PRKCB: variants seen among roughly 807,000 people sequenced by gnomAD.
The protein encoded by PRKCB is protein kinase C beta, also known as protein kinase C beta type.
Under a neutral mutation model 81.5 loss-of-function variants are expected in PRKCB, and 13 were observed. The observed-to-expected ratio is 0.16, with a 90% CI of 0.10 to 0.25. The LOEUF is 0.25. Ranked by LOEUF, PRKCB falls within the 10% of genes least tolerant of loss-of-function variation. PRKCB has a pLI of 1.00. For synonymous variants in PRKCB, 335 were observed against 321.4 expected (o/e 1.04, Z -0.45); for missense variants, 509 against 875.7 (o/e 0.58, Z 5.29).
chr16:23,848,305 T>A (rs964544304), intron 2 of PRKCB, among the ~76,000 whole-genome samples: 15 of 152,276 alleles, frequency 9.9e-5, no homozygotes, highest in African/African-American at 3.4e-4. Flanking sequence ...ATACTTGCCA[T>A]GACTCAAATC....
At chr16:23,837,246 A>G in intron 1 of PRKCB, 129 bp from the exon 2 acceptor site, 1 of 1,161,446 alleles carries the variant, frequency 8.6e-7, no homozygotes. Context: ...ACTCTTGGGC[A>G]CCCGCCTGTG....
intron 5 of PRKCB, among the ~76,000 whole-genome samples, chr16:24,069,112 G>A (rs1306387766): frequency 6.6e-6 from 1 of 152,100 alleles, no homozygotes; most frequent in African/African-American, 2.4e-5. Context: ...TAACTTTCAG[G>A]TCACAAAGCT....
At chr16:23,850,101 G>A (rs1279682360) in intron 2 of PRKCB, among the ~76,000 whole-genome samples, 3 of 151,938 alleles carry the variant, frequency 2.0e-5, no homozygotes, top group Non-Finnish European at 2.9e-5. Context: ...ATTTTACTTA[G>A]CATAATGTCC....
intron 2 of PRKCB, among the ~76,000 whole-genome samples, chr16:23,911,358 G>C (rs1963650769): frequency 6.6e-6 from 1 of 151,564 alleles, no homozygotes; most frequent in Non-Finnish European, 1.5e-5. Context: ...CAACTCCTGA[G>C]CTCAAGTGAT....
At chr16:23,891,002 C>CGT (rs10551727) in intron 2 of PRKCB, among the ~76,000 whole-genome samples, 34,492 of 147,610 alleles carry the variant, frequency 0.23, 4,315 homozygotes, top group South Asian at 0.43. Flanking sequence ...ATATATAATG[C>CGT]GTGTGTGTGT....
At chr16:24,113,141 CTCTT>C (rs932156698) in intron 8 of PRKCB, 72 bp downstream of exon 8, 20 of 1,026,380 alleles carry the variant, frequency 1.9e-5, no homozygotes, top group African/African-American at 4.9e-5. Flanking sequence ...CTGCTCCCTC[CTCTT>C]TCTTTCTCTT....
intron 6 of PRKCB, among the ~76,000 whole-genome samples, chr16:24,093,192 G>C (rs781505280): frequency 6.6e-6 from 1 of 152,194 alleles, no homozygotes; most frequent in Non-Finnish European, 1.5e-5. Flanking sequence ...TGTGGTGTGG[G>C]GGAGTGGGTA....
chr16:24,094,801 A>G (rs867128362), intron 7 of PRKCB, among the ~76,000 whole-genome samples: 3 of 128,694 alleles, frequency 2.3e-5, no homozygotes, highest in South Asian at 2.6e-4. Flanking sequence ...GGAATGAAGG[A>G]AGGGAGGGAG....
intron 2 of PRKCB, among the ~76,000 whole-genome samples, chr16:23,874,461 T>G (rs2141101843): frequency 6.6e-6 from 1 of 152,258 alleles, no homozygotes; most frequent in South Asian, 2.1e-4. Context: ...TGCCTGTAAA[T>G]GAAACCTTAA....
chr16:24,175,682 C>T (rs1037845519), intron 12 of PRKCB, among the ~76,000 whole-genome samples: 1 of 151,586 alleles, frequency 6.6e-6, no homozygotes, highest in Admixed American at 6.6e-5. Flanking sequence ...GATTAAAAGG[C>T]ATGAGGGGGC....
chr16:23,985,431 G>A (rs557070712), intron 2 of PRKCB, among the ~76,000 whole-genome samples: 1 of 152,008 alleles, frequency 6.6e-6, no homozygotes, highest in African/African-American at 2.4e-5. Flanking sequence ...TGACCAGTTG[G>A]GAAACAAAAT....
chr16:24,109,007 C>T (rs56250174), intron 7 of PRKCB, among the ~76,000 whole-genome samples: 3,197 of 103,884 alleles, frequency 0.031, 17 homozygotes, highest in African/African-American at 0.13. Context: ...CCCTCCCGGA[C>T]GGGGCGGCTG....
At chr16:24,214,428 G>A (rs773233218) in intron 16 of PRKCB, among the ~76,000 whole-genome samples, 4 of 152,110 alleles carry the variant, frequency 2.6e-5, no homozygotes, top group Non-Finnish European at 5.9e-5. Flanking sequence ...AGCAGCTCAT[G>A]AGCTACAAAA....
At chr16:24,153,273 C>A (rs1302978023) in intron 9 of PRKCB, among the ~76,000 whole-genome samples, 7 of 152,158 alleles carry the variant, frequency 4.6e-5, no homozygotes, top group Admixed American at 4.6e-4. Context: ...CTGATTGGTT[C>A]CCTTACCCTC....
chr16:24,023,212 C>A (rs947041488), intron 3 of PRKCB, among the ~76,000 whole-genome samples: 4 of 152,186 alleles, frequency 2.6e-5, no homozygotes, highest in African/African-American at 9.7e-5. Flanking sequence ...CTGCTCCCAG[C>A]CAGGAAGCTG....
At chr16:24,206,370 T>G (rs548430024) in intron 16 of PRKCB, among the ~76,000 whole-genome samples, 13 of 152,328 alleles carry the variant, frequency 8.5e-5, no homozygotes, top group Non-Finnish European at 1.5e-5. Flanking sequence ...TCTTTTTGCC[T>G]AGGCTATGTA....
intron 8 of PRKCB, among the ~76,000 whole-genome samples, chr16:24,121,506 T>C (rs1567382192): frequency 6.6e-6 from 1 of 152,132 alleles, no homozygotes; most frequent in Non-Finnish European, 1.5e-5. Flanking sequence ...GCCTCCCAAG[T>C]AGCTGGGACT....
In PRKCB at chr16:24,214,959, A is replaced by T. The variant is rs1418065413; in HGVS notation, c.*143A>T. 6.7e-7 allele frequency: 1 copy of T among 1,482,172 alleles called. No individual in the cohort carries two copies. Among genetic ancestry groups the T allele is most frequent in the African/African-American group, 1.4e-5 (1 of 71,378 alleles). 91.8% of individuals were successfully genotyped at this position (1,482,172 alleles called of 1,614,324 possible). A position where few individuals can be genotyped will look rare whatever the true frequency, so the allele number is the denominator to read the frequency against. On this transcript the variant is annotated 3_prime_UTR_variant, in exon 17 of 17. Transcript: ENST00000643927. Reference sequence around the variant, plus strand: ...AGAGTGACAGTGTTTCAGAACCCAAATGTCCTCAGGTAGTTTGGAGCATCT... The same window carrying T: ...AGAGTGACAGTGTTTCAGAACCCAATTGTCCTCAGGTAGTTTGGAGCATCT...
intron 2 of PRKCB, among the ~76,000 whole-genome samples, chr16:23,911,515 CT>C: frequency 6.6e-6 from 1 of 152,210 alleles, no homozygotes. Flanking sequence ...CTGTGTTTAA[CT>C]TTTGCAGGCC....
Sources: gnomAD v4.1 joint callset for allele counts (sites outside exome capture counted in the v4.1 genomes callset) on GRCh38, gnomAD v4.1.1 for gene constraint, MANE v1.5 for transcripts, NCBI Gene and HGNC (gene_info 2026-07-23, HGNC 2026-07-21) for gene names.